CNTNAP2: variants seen among roughly 807,000 people sequenced by gnomAD.
CNTNAP2 encodes contactin-associated protein-like 2.
Under a neutral mutation model 155.2 loss-of-function variants are expected in CNTNAP2, and 98 were observed. That is an observed-to-expected ratio of 0.63 (90% CI 0.54 to 0.75). CNTNAP2 has a LOEUF of 0.75. CNTNAP2 is among the 30% of genes least tolerant of loss of function. The probability of loss-of-function intolerance (pLI) is 0.00; values close to 1 mark genes in which losing one functional copy is unlikely to be tolerated. For missense variants in CNTNAP2, 1,727 were observed against 1,688.1 expected (o/e 1.02, Z -0.40); for synonymous variants, 651 against 631.2 (o/e 1.03, Z -0.47).
chr7:146,450,939 T>G (rs922447646), intron 1 of CNTNAP2, among the ~76,000 whole-genome samples: 1 of 151,110 alleles, frequency 6.6e-6, no homozygotes, highest in African/African-American at 2.4e-5. Flanking sequence ...GTAAAAATAT[T>G]TATTTATTTA....
chr7:148,034,978 T>C (rs1353430272), intron 15 of CNTNAP2, among the ~76,000 whole-genome samples: 2 of 152,256 alleles, frequency 1.3e-5, no homozygotes, highest in Admixed American at 6.5e-5. Context: ...GAATTGTTCA[T>C]GCCCTAGGGC....
chr7:146,927,868 T>C (rs1796639233), intron 3 of CNTNAP2, among the ~76,000 whole-genome samples: 1 of 151,622 alleles, frequency 6.6e-6, no homozygotes, highest in Non-Finnish European at 1.5e-5. Flanking sequence ...CATATCTATA[T>C]CTCTTTATAT....
intron 22 of CNTNAP2, among the ~76,000 whole-genome samples, chr7:148,405,042 G>C (rs1799667090): frequency 6.6e-6 from 1 of 152,082 alleles, no homozygotes; most frequent in Non-Finnish European, 1.5e-5. Context: ...GCAGCATTTG[G>C]GTGGGAAAAC....
At chr7:147,941,592 C>T (rs866170352) in intron 14 of CNTNAP2, among the ~76,000 whole-genome samples, 7 of 152,218 alleles carry the variant, frequency 4.6e-5, no homozygotes, top group African/African-American at 1.4e-4. Flanking sequence ...AGTGGGTACA[C>T]AAACATGTCG....
chr7:148,310,755 A>T (rs1797581533), intron 21 of CNTNAP2, among the ~76,000 whole-genome samples: 1 of 152,098 alleles, frequency 6.6e-6, no homozygotes, highest in African/African-American at 2.4e-5. Flanking sequence ...AAGTAAAGAG[A>T]AGCAGTGCTG....
intron 16 of CNTNAP2, among the ~76,000 whole-genome samples, chr7:148,146,498 C>T (rs1805181031): frequency 6.6e-6 from 1 of 152,154 alleles, no homozygotes; most frequent in Non-Finnish European, 1.5e-5. Context: ...CCACCCAATC[C>T]ATTTGCCAAT....
Position 146,148,811 on chromosome 7 carries a change from C to T in CNTNAP2, c.97+31838C>T, listed in dbSNP as rs369925811. ...GATAACATAATCTAAGGAAAGACAT[C>T]GCTAATCAGAACAAAAAAAGGAAGA... On this transcript the variant is annotated intron_variant, in intron 1 of 23. Coordinates refer to ENST00000361727, the MANE Select transcript of CNTNAP2 (RefSeq NM_014141.6). Among the ~76,000 whole-genome samples, 7 of 152,066 alleles carry T rather than the reference C, an allele frequency of 4.6e-5. No individual in the cohort carries two copies. In the East Asian group the frequency reaches 7.7e-4, roughly 17 times the overall value.
In CNTNAP2 at chr7:146,161,923, A is replaced by G. The variant is rs1236094289; in HGVS notation, c.97+44950A>G. Among the ~76,000 whole-genome samples the G allele has an allele frequency of 2.0e-5, 3 of 152,342 alleles. No homozygotes were observed. The South Asian group carries it at 6.2e-4, about 32-fold the overall frequency. On this transcript the variant is annotated intron_variant, in intron 1 of 23. Transcript: ENST00000361727. ...ACGAGAAATGGGGAAAGGATTCCCT[A>G]TTTAATAAATGGTGCTGGGAAAACT...
chr7:147,442,743 C>G (rs1797663934), intron 10 of CNTNAP2, among the ~76,000 whole-genome samples: 1 of 152,072 alleles, frequency 6.6e-6, no homozygotes, highest in South Asian at 2.1e-4. Flanking sequence ...AGGACTGGGT[C>G]ATTTCCTTCG....
At chr7:147,509,245 C>A (rs1172393869) in intron 11 of CNTNAP2, among the ~76,000 whole-genome samples, 1 of 152,210 alleles carries the variant, frequency 6.6e-6, no homozygotes, top group African/African-American at 2.4e-5. Context: ...TGTTCTCCCA[C>A]AGCATGCTGT....
chr7:148,062,028 A>AGAGAGTGTGTGT (rs1388530831), intron 15 of CNTNAP2, among the ~76,000 whole-genome samples: 6 of 106,008 alleles, frequency 5.7e-5, no homozygotes, highest in East Asian at 2.7e-4. Context: ...AGAGAGAGAG[A>AGAGAGTGTGTGT]GTGTGTGTGT....
At chr7:146,914,103 A>C (rs991517071) in intron 3 of CNTNAP2, among the ~76,000 whole-genome samples, 1 of 152,112 alleles carries the variant, frequency 6.6e-6, no homozygotes, top group Non-Finnish European at 1.5e-5. Flanking sequence ...ATGGCTTTTT[A>C]AAAGTAATGT....
intron 1 of CNTNAP2, among the ~76,000 whole-genome samples, chr7:146,309,106 C>G (rs372037256): frequency 1.2e-4 from 19 of 152,122 alleles, no homozygotes; most frequent in African/African-American, 4.3e-4. Context: ...ATGAGAAGAA[C>G]CACCTTTTTA....
chr7:147,033,292 G>A (rs1021289061), intron 3 of CNTNAP2, among the ~76,000 whole-genome samples: 26 of 150,072 alleles, frequency 1.7e-4, no homozygotes, highest in African/African-American at 6.4e-4. Context: ...AATTACCCAA[G>A]TGAACAAGCT....
intron 2 of CNTNAP2, among the ~76,000 whole-genome samples, chr7:146,776,994 G>C (rs1035812298): frequency 6.6e-6 from 1 of 152,074 alleles, no homozygotes; most frequent in Non-Finnish European, 1.5e-5. Context: ...TGATTGACAG[G>C]TAGGTAGGTA....
chr7:148,187,874 G>A (rs1198380634), intron 18 of CNTNAP2, among the ~76,000 whole-genome samples: 1 of 152,054 alleles, frequency 6.6e-6, no homozygotes, highest in African/African-American at 2.4e-5. Context: ...GAGTATGCTT[G>A]AGCAGTCCCC....
chr7:148,309,949 C>T (rs143747856), intron 21 of CNTNAP2, among the ~76,000 whole-genome samples: 11,468 of 151,824 alleles, frequency 0.076, 569 homozygotes, highest in Non-Finnish European at 0.12. Flanking sequence ...CTGCTTCGAG[C>T]GGGATTAGGG....
At chr7:147,253,121 A>T (rs1376517941) in intron 8 of CNTNAP2, among the ~76,000 whole-genome samples, 1 of 152,136 alleles carries the variant, frequency 6.6e-6, no homozygotes, top group African/African-American at 2.4e-5. Context: ...AGGTCGTTAA[A>T]ACTTAGATTA....
chr7:146,584,403 A>C (rs1798656365), intron 1 of CNTNAP2, among the ~76,000 whole-genome samples: 1 of 152,158 alleles, frequency 6.6e-6, no homozygotes, highest in African/African-American at 2.4e-5. Flanking sequence ...AGTAATGGAA[A>C]CCCCACTTAA....
Sources: allele counts gnomAD v4.1 joint callset (sites outside exome capture counted in the v4.1 genomes callset), GRCh38; gene constraint gnomAD v4.1.1; transcripts MANE v1.5; gene names NCBI Gene and HGNC (gene_info 2026-07-23, HGNC 2026-07-21).